The following PTER variants were observed in gnomAD, a reference collection of about 807,000 sequenced individuals.
PTER encodes the protein phosphotriesterase related, also known as N-acetyltaurine hydrolase.
In PTER, 38 loss-of-function variants were observed where a neutral mutation model predicts 29.6. The ratio of observed to expected loss-of-function variants is 1.28; its 90% CI spans 0.99 to 1.68. PTER has a LOEUF of 1.68. Ranked by LOEUF, PTER falls within the 40% of genes most tolerant of loss-of-function variation. The pLI, the probability that PTER is intolerant of heterozygous loss-of-function variation, is 0.00. For synonymous variants in PTER, 172 were observed against 154.5 expected, an observed-to-expected ratio of 1.11 and a Z score of -0.84; for missense variants, 482 against 427.8, an observed-to-expected ratio of 1.13 and a Z score of -1.12.
intron 3 of PTER, among the ~76,000 whole-genome samples, chr10:16,496,550 G>T (rs1836109439): frequency 6.6e-6 from 1 of 152,184 alleles, no homozygotes; most frequent in South Asian, 2.1e-4. Context: ...ATTCACCAGG[G>T]GTTTTCTCCT....
chr10:16,456,384 AT>A (rs991410234), intron 1 of PTER, among the ~76,000 whole-genome samples: 2 of 152,122 alleles, frequency 1.3e-5, no homozygotes, highest in Non-Finnish European at 1.5e-5. Context: ...ATGCCAGGAG[AT>A]TAGAGGCCCC....
chr10:16,442,840 C>T (rs1833893870), intron 1 of PTER, among the ~76,000 whole-genome samples: 2 of 152,070 alleles, frequency 1.3e-5, no homozygotes, highest in Admixed American at 1.3e-4. Flanking sequence ...ATTAGCCAGG[C>T]ATACGTCTGT....
chr10:16,440,975 T>G (rs1833829475), intron 1 of PTER, among the ~76,000 whole-genome samples: 1 of 152,216 alleles, frequency 6.6e-6, no homozygotes, highest in Non-Finnish European at 1.5e-5. Context: ...TGAAAGAGGC[T>G]TGTCCTATGA....
intron 1 of PTER, among the ~76,000 whole-genome samples, chr10:16,454,162 A>G (rs184090592): frequency 6.6e-6 from 1 of 152,344 alleles, no homozygotes; most frequent in African/African-American, 2.4e-5. Flanking sequence ...TTTATTTTAA[A>G]TTACAGAAAT....
At position 16,449,355 on chromosome 10, in the gene PTER, C is replaced by G. The variant is rs567005634; in HGVS notation, c.-49+12308C>G. ...GGGACCCACTGGACCCACTGTATTT[C>G]AGACCTGAGCTAAAACTCTATTAAA... On this transcript the variant is annotated intron_variant, in intron 1 of 4. Transcript: ENST00000535784. Among the ~76,000 whole-genome samples the G allele has an allele frequency of 6.5e-4, 99 of 151,586 alleles. 2 individuals are homozygous for G. The highest frequency in any genetic ancestry group is 6.8e-4 in the Non-Finnish European group (46 of 67,958).
At chr10:16,457,416 T>G (rs895987235) in intron 1 of PTER, among the ~76,000 whole-genome samples, 2 of 152,090 alleles carry the variant, frequency 1.3e-5, no homozygotes, top group African/African-American at 4.8e-5. Context: ...GGTTTCACCG[T>G]GTTAGCCACG....
chr10:16,494,610 G>A (rs1015021560), intron 3 of PTER, among the ~76,000 whole-genome samples: 2 of 152,142 alleles, frequency 1.3e-5, no homozygotes, highest in African/African-American at 4.8e-5. Flanking sequence ...TCATAAACTA[G>A]TACATTAATG....
chr10:16,449,452 G>C (rs1047888054), intron 1 of PTER, among the ~76,000 whole-genome samples: 5 of 56,448 alleles, frequency 8.9e-5, no homozygotes, highest in African/African-American at 3.4e-4. Flanking sequence ...TTTTTTTTGA[G>C]ACGGAGTCTC....
At chr10:16,493,636 C>T (rs1306634140) in intron 3 of PTER, among the ~76,000 whole-genome samples, 1 of 150,410 alleles carries the variant, frequency 6.6e-6, no homozygotes, top group Non-Finnish European at 1.5e-5. Context: ...TTATTGTTTA[C>T]TGTGTATTTT....
At chr10:16,439,013 T>G (rs577445144) in intron 1 of PTER, among the ~76,000 whole-genome samples, 1 of 152,178 alleles carries the variant, frequency 6.6e-6, no homozygotes, top group Non-Finnish European at 1.5e-5. Context: ...ATTTTACCAT[T>G]TAATGATATT....
intron 1 of PTER, among the ~76,000 whole-genome samples, chr10:16,446,780 GTTTGTTTTGT>G (rs200867111): frequency 1.3e-5 from 2 of 149,300 alleles, no homozygotes; most frequent in East Asian, 1.9e-4. Flanking sequence ...TTGTTTGTTT[GTTTGTTTTGT>G]TTTGTTTTGT....
intron 1 of PTER, among the ~76,000 whole-genome samples, chr10:16,442,575 G>T (rs1833885077): frequency 1.3e-5 from 2 of 152,174 alleles, no homozygotes. Flanking sequence ...TTCAAGACCA[G>T]CCTGGGCAAC....
intron 1 of PTER, among the ~76,000 whole-genome samples, chr10:16,466,562 G>C (rs567960245): frequency 1.3e-5 from 2 of 152,270 alleles, no homozygotes; most frequent in East Asian, 3.9e-4. Context: ...TGCCATGTTG[G>C]CCAGGCTGGT....
At chr10:16,461,321 T>G (rs1834605041) in intron 1 of PTER, among the ~76,000 whole-genome samples, 1 of 151,648 alleles carries the variant, frequency 6.6e-6, no homozygotes, top group Non-Finnish European at 1.5e-5. Context: ...TTCCTTTATA[T>G]TTAATTACAT....
At chr10:16,454,446 C>G (rs1834321557) in intron 1 of PTER, among the ~76,000 whole-genome samples, 1 of 151,776 alleles carries the variant, frequency 6.6e-6, no homozygotes, top group Non-Finnish European at 1.5e-5. Flanking sequence ...CGTGGTGGTG[C>G]ACACCTGTAA....
chr10:16,462,949 T>A lies in PTER; in HGVS notation c.-48-21388T>A, dbSNP rs578240668. Among the ~76,000 whole-genome samples, 8 of 151,622 alleles carry A rather than the reference T, an allele frequency of 5.3e-5. No homozygotes were observed. In the East Asian group the frequency reaches 1.4e-3, roughly 27 times the overall value. On this transcript the variant is annotated intron_variant, in intron 1 of 4. Transcript: ENST00000535784. ...TGAGTCACGCCTGTAACCCCAGCAC[T>A]TTGGGAGGCCGAGGAGTGCAAATCA...
chr10:16,495,819 G>C (rs3898395), intron 3 of PTER, among the ~76,000 whole-genome samples: 1 of 151,866 alleles, frequency 6.6e-6, no homozygotes, highest in Non-Finnish European at 1.5e-5. Context: ...CTGCATTGTG[G>C]GTCACTTTAA....
chr10:16,488,042 A>G (rs571137302), intron 3 of PTER, among the ~76,000 whole-genome samples: 1 of 152,334 alleles, frequency 6.6e-6, no homozygotes, highest in Non-Finnish European at 1.5e-5. Flanking sequence ...GGAAATATAA[A>G]CAAGTTGTAG....
intron 1 of PTER, among the ~76,000 whole-genome samples, chr10:16,463,733 G>T (rs1217346643): frequency 6.6e-6 from 1 of 152,116 alleles, no homozygotes; most frequent in Admixed American, 6.6e-5. Flanking sequence ...ATTTTCTTTG[G>T]CCCACATTTT....
Sources: allele counts gnomAD v4.1 joint callset (sites outside exome capture counted in the v4.1 genomes callset), GRCh38; gene constraint gnomAD v4.1.1; transcripts MANE v1.5; gene names NCBI Gene and HGNC (gene_info 2026-07-23, HGNC 2026-07-21).